Variants in GMFG observed in about 807,000 individuals in gnomAD.
The protein encoded by GMFG is glia maturation factor gamma.
In GMFG, 21 loss-of-function variants were observed where a neutral mutation model predicts 26.1. The observed-to-expected ratio is 0.80, with a 90% CI of 0.57 to 1.16. The LOEUF (loss-of-function observed/expected upper bound fraction) is 1.16. Among genes scored for constraint, GMFG ranks in the 50% most tolerant of loss-of-function variants. GMFG has a pLI of 0.00. For synonymous variants in GMFG, 65 were observed against 60.8 expected (o/e 1.07, Z -0.32); for missense variants, 161 against 178.3 (o/e 0.90, Z 0.55).
chr19:39,329,491 C>G, intron 5 of GMFG, 53 bp downstream of exon 5: 2 of 1,036,120 alleles, frequency 1.9e-6, no homozygotes, highest in Non-Finnish European at 3.0e-6. Flanking sequence ...CACACAAACA[C>G]ACACACACAG....
chr19:39,328,983 C>G lies in GMFG; in HGVS notation c.357+17G>C. On this transcript the variant is annotated intron_variant, in intron 6 of 6. Transcript: ENST00000597595. ...CCACCTCTCCCTAACACTCTGGAGC[C>G]CCATCCCAGTCTGAACCTTTGTGAG... 1.3e-6 allele frequency: 2 copies of G among 1,585,712 alleles called. No individual in the cohort carries two copies. Among genetic ancestry groups the G allele is most frequent in the Non-Finnish European group, 1.7e-6 (2 of 1,153,970 alleles).
chr19:39,328,747 C>T (rs1445193565), intron 6 of GMFG, 199 bp from the exon 7 acceptor site: 4 of 607,992 alleles, frequency 6.6e-6, no homozygotes, highest in South Asian at 3.9e-5. Context: ...GGTGTGGTGG[C>T]GTGTGCCTGT....
intron 4 of GMFG, among the ~76,000 whole-genome samples, chr19:39,332,008 C>T (rs920896757): frequency 3.3e-5 from 5 of 151,300 alleles, no homozygotes; most frequent in African/African-American, 4.9e-5. Flanking sequence ...ACCACAGGCA[C>T]ATGCCACCAT....
intron 3 of GMFG, among the ~76,000 whole-genome samples, chr19:39,334,112 G>T (rs1051328900): frequency 2.7e-5 from 4 of 150,670 alleles, no homozygotes; most frequent in Non-Finnish European, 5.9e-5. Context: ...CGCCTCCGGG[G>T]TTCACGCCAT....
In GMFG at chr19:39,335,348, CT is replaced by C. The variant is rs563997238; in HGVS notation, c.101-39del. On this transcript the variant is annotated intron_variant, in intron 2 of 6. Coordinates refer to ENST00000597595, the MANE Select transcript of GMFG (RefSeq NM_004877.4). ...GGCACACAGGGATTAGACACTCCCC[CT>C]GATCCATGGGGGACACAAGCCCAGC... is the stretch of plus-strand genomic sequence containing the variant. 8.0e-4 allele frequency: 1,270 copies of C among 1,597,126 alleles called. 3 individuals carry two copies. The African/African-American group carries it at 0.014, about 17-fold the overall frequency.
At position 39,333,132 on chromosome 19, in the gene GMFG, G is replaced by T; in HGVS notation, c.151-6C>A. 1 of 1,560,844 alleles carries T rather than the reference G, an allele frequency of 6.4e-7. No individual in the cohort carries two copies. The highest frequency in any genetic ancestry group is 1.1e-5 in the South Asian group (1 of 89,968). Reference sequence around the variant, plus strand: ...AGCTCCTCTGGGGAAATGTTCTGAGGCAAGAAAACAGAAGAAAAGACAAAG... The same window carrying T: ...AGCTCCTCTGGGGAAATGTTCTGAGTCAAGAAAACAGAAGAAAAGACAAAG... On this transcript the variant is annotated splice_region_variant and splice_polypyrimidine_tract_variant and intron_variant, in intron 3 of 6. Coordinates refer to ENST00000597595, the MANE Select transcript of GMFG (RefSeq NM_004877.4).
rs555084217 is a variant in GMFG, at chr19:39,332,267, T to C, written c.200+810A>G. On this transcript the variant is annotated intron_variant, in intron 4 of 6. Transcript: ENST00000597595. ...ATCGCTTGAACCCAGGAGGCGGAGG[T>C]TGCAGTGAGTCAAGATCGCGCCACT... 4.0e-5 allele frequency among the ~76,000 whole-genome samples: 6 copies of C among 150,960 alleles called. No individual in the cohort carries two copies. In the East Asian group the frequency reaches 1.2e-3, roughly 30 times the overall value.
intron 3 of GMFG, among the ~76,000 whole-genome samples, chr19:39,333,646 G>A (rs1056735308): frequency 2.0e-5 from 3 of 151,254 alleles, no homozygotes; most frequent in African/African-American, 4.9e-5. Context: ...CCAAGGCATC[G>A]TTCTATGAAA....
rs752728731 is a variant in GMFG at position 39,329,586 on chromosome 19, G to C, written c.241C>G (p.Arg81Gly). ...ATGAAACACAAAGGGTAGGACACTC[G>C]GCCATCGTCATGCACGTACTTGTAG... ...YSYKYVHDDG[R>G]VSYPLCFIFS... Residue 81 changes from arginine to glycine, a missense_variant, in exon 5 of 7, where the codon CGA becomes GGA. Transcript: ENST00000597595. 3.7e-6 allele frequency: 6 copies of C among 1,611,370 alleles called. No homozygotes were observed. The East Asian group carries it at 6.7e-5, about 18-fold the overall frequency.
intron 3 of GMFG, among the ~76,000 whole-genome samples, chr19:39,333,581 C>CAAAAAA (rs750367671): frequency 4.2e-5 from 2 of 47,322 alleles, no homozygotes; most frequent in Non-Finnish European, 4.8e-5. Context: ...AACTCCGTCT[C>CAAAAAA]AAAAAAAAAA....
intron 5 of GMFG, among the ~76,000 whole-genome samples, chr19:39,329,342 C>G (rs1290439440): frequency 1.3e-5 from 2 of 152,108 alleles, no homozygotes; most frequent in African/African-American, 4.8e-5. Flanking sequence ...CGGGTGGGCT[C>G]TTGGTGAATC....
intron 3 of GMFG, among the ~76,000 whole-genome samples, chr19:39,333,861 G>A (rs1399846099): frequency 6.6e-6 from 1 of 150,444 alleles, no homozygotes; most frequent in Non-Finnish European, 1.5e-5. Flanking sequence ...GAGGGCCTGA[G>A]AGAGCCCCAG....
rs753711107 is a variant in GMFG at position 39,335,417 on chromosome 19, G to A, written c.100+18C>T. ...ACCACCGCCCTCCCATCCTTCTGTGGGGGAAGATGTCACTCACTTATGATG... is the reference window on the plus strand; with the variant it reads ...ACCACCGCCCTCCCATCCTTCTGTGAGGGAAGATGTCACTCACTTATGATG... On this transcript the variant is annotated intron_variant, in intron 2 of 6. Transcript: ENST00000597595. 1 of 1,599,540 alleles carries A rather than the reference G, an allele frequency of 6.3e-7. No homozygotes were observed. The highest frequency in any genetic ancestry group is 1.3e-5 in the African/African-American group (1 of 74,760).
chr19:39,329,409 T>A, intron 5 of GMFG, 135 bp downstream of exon 5: 1 of 674,200 alleles, frequency 1.5e-6, no homozygotes, highest in Non-Finnish European at 2.8e-6. Flanking sequence ...CACACACACA[T>A]CCTCACCCAG....
chr19:39,331,381 C>T (rs2075225673), intron 4 of GMFG, among the ~76,000 whole-genome samples: 1 of 152,198 alleles, frequency 6.6e-6, no homozygotes, highest in Non-Finnish European at 1.5e-5. Context: ...GACCGTTAAC[C>T]CCCATGTGTG....
chr19:39,328,522 G>A lies in GMFG; in HGVS notation c.384C>T (p.Asp128=), dbSNP rs1477699667. The A allele has an allele frequency of 1.2e-6, 2 of 1,612,942 alleles. No individual in the cohort carries two copies. Among genetic ancestry groups the A allele is most frequent in the East Asian group, 2.2e-5 (1 of 44,874 alleles). ...TTTCTTGGAGCCAGGCCTCAGTGAG[G>A]TCATCAGTGGTGCGGATTTCGAACA... ...TKVFEIRTTD[D]LTEAWLQEKL... The change falls in exon 7 of 7, where the codon GAC becomes GAT. Residue 128 remains aspartate, a synonymous_variant. Coordinates refer to ENST00000597595, the MANE Select transcript of GMFG (RefSeq NM_004877.4).
intron 3 of GMFG, among the ~76,000 whole-genome samples, 188 bp downstream of exon 3, chr19:39,335,073 A>T (rs542789612): frequency 6.6e-6 from 1 of 150,470 alleles, no homozygotes; most frequent in African/African-American, 2.4e-5. Context: ...CTGGTCTTGA[A>T]CTCCCAACCT....
chr19:39,329,158 G>T, intron 5 of GMFG, 85 bp from the exon 6 acceptor site: 1 of 911,304 alleles, frequency 1.1e-6, no homozygotes, highest in Non-Finnish European at 1.8e-6. Context: ...AGGCCCTGCA[G>T]CTTGCCAAGG....
At chr19:39,335,639 T>C in intron 1 of GMFG, 108 bp from the exon 2 acceptor site, 1 of 803,090 alleles carries the variant, frequency 1.2e-6, no homozygotes, top group South Asian at 1.4e-5. Context: ...CGCCGGCCCA[T>C]CTGATGCCTT....
Sources: allele counts gnomAD v4.1 joint callset (sites outside exome capture counted in the v4.1 genomes callset), GRCh38; gene constraint gnomAD v4.1.1; transcripts MANE v1.5; gene names NCBI Gene and HGNC (gene_info 2026-07-23, HGNC 2026-07-21).